Variants in CPNE4 observed in about 807,000 individuals in gnomAD.
The protein encoded by CPNE4 is copine 4.
In CPNE4, 25 loss-of-function variants were observed where a neutral mutation model predicts 67.9. The ratio of observed to expected loss-of-function variants is 0.37; its 90% CI spans 0.27 to 0.51. The LOEUF is 0.51. Ranked by LOEUF, CPNE4 falls within the 20% of genes least tolerant of loss-of-function variation. The probability of loss-of-function intolerance (pLI) is 0.93; values close to 1 mark genes in which losing one functional copy is unlikely to be tolerated. For synonymous variants in CPNE4, 242 were observed against 244.9 expected (o/e 0.99, Z 0.11); for missense variants, 464 against 690.8 (o/e 0.67, Z 3.68).
At chr3:132,007,057 T>G (rs2073628073) in intron 1 of CPNE4, among the ~76,000 whole-genome samples, 1 of 152,166 alleles carries the variant, frequency 6.6e-6, no homozygotes, top group Non-Finnish European at 1.5e-5. Flanking sequence ...TTGTTAATGA[T>G]GACTGTGATG....
chr3:131,773,014 G>C (rs2083206045), intron 2 of CPNE4, among the ~76,000 whole-genome samples: 1 of 152,018 alleles, frequency 6.6e-6, no homozygotes, highest in South Asian at 2.1e-4. Flanking sequence ...CTAACACTTG[G>C]GTAGATGACA....
chr3:131,708,957 GATATATAT>G (rs202119937), intron 3 of CPNE4, among the ~76,000 whole-genome samples: 1,507 of 65,802 alleles, frequency 0.023, 73 homozygotes, highest in African/African-American at 0.062. Flanking sequence ...AGGGCATAAA[GATATATAT>G]ATATATATAT....
intron 7 of CPNE4, among the ~76,000 whole-genome samples, chr3:131,604,628 G>A (rs1939395017): frequency 6.6e-6 from 1 of 152,112 alleles, no homozygotes; most frequent in African/African-American, 2.4e-5. Context: ...CTCCCATGTT[G>A]AATCCTTCCT....
chr3:131,649,703 G>A (rs2079758851), intron 7 of CPNE4, among the ~76,000 whole-genome samples: 2 of 152,106 alleles, frequency 1.3e-5, no homozygotes. Flanking sequence ...AAGATGAAAC[G>A]AGATCTTGTG....
chr3:131,736,611 CAAA>C (rs71136406), intron 2 of CPNE4, among the ~76,000 whole-genome samples: 12,843 of 82,234 alleles, frequency 0.16, 677 homozygotes, highest in East Asian at 0.3. Context: ...AAGACTGTCT[CAAA>C]AAAAAAAAAA....
At chr3:131,597,320 A>T (rs1938939935) in intron 7 of CPNE4, among the ~76,000 whole-genome samples, 1 of 151,912 alleles carries the variant, frequency 6.6e-6, no homozygotes, top group Non-Finnish European at 1.5e-5. Flanking sequence ...GGGTGGGGGG[A>T]TGCTAGGAGA....
intron 2 of CPNE4, among the ~76,000 whole-genome samples, chr3:131,891,681 T>C (rs138186303): frequency 2.0e-4 from 31 of 152,272 alleles, no homozygotes; most frequent in African/African-American, 7.0e-4. Context: ...GGTATTTGGT[T>C]TCCTGTTCTG....
At chr3:131,700,097 T>C in intron 3 of CPNE4, 117 bp from the exon 4 acceptor site, 1 of 523,848 alleles carries the variant, frequency 1.9e-6, no homozygotes, top group Non-Finnish European at 3.2e-6. Context: ...TGCATTCACG[T>C]TTGTGTCAAT....
chr3:131,697,856 G>A (rs79676753), intron 4 of CPNE4, among the ~76,000 whole-genome samples: 2,721 of 152,222 alleles, frequency 0.018, 95 homozygotes, highest in African/African-American at 0.062. Flanking sequence ...AAAATTTCAT[G>A]CACCTTTTCA....
At chr3:131,722,476 G>T (rs548236532) in intron 3 of CPNE4, among the ~76,000 whole-genome samples, 1 of 143,042 alleles carries the variant, frequency 7.0e-6, no homozygotes, top group Non-Finnish European at 1.5e-5. Context: ...CCTATGAGTT[G>T]CTTATATTGC....
At chr3:131,821,924 T>C (rs1047916217) in intron 2 of CPNE4, among the ~76,000 whole-genome samples, 3 of 152,110 alleles carry the variant, frequency 2.0e-5, no homozygotes, top group Non-Finnish European at 4.4e-5. Flanking sequence ...CCCGAATAAT[T>C]CTTCAAGGGA....
chr3:131,710,552 A>G (rs1413037374), intron 3 of CPNE4, among the ~76,000 whole-genome samples: 1 of 152,210 alleles, frequency 6.6e-6, no homozygotes, highest in Non-Finnish European at 1.5e-5. Context: ...AAGGTAGTAT[A>G]ATGAGAAGGC....
chr3:131,869,143 T>A (rs1424544907), intron 2 of CPNE4, among the ~76,000 whole-genome samples: 38 of 152,122 alleles, frequency 2.5e-4, no homozygotes, highest in Admixed American at 2.5e-3. Flanking sequence ...CCCCTCCATA[T>A]CAGCTCTAGT....
At chr3:131,768,283 A>G (rs924573653) in intron 2 of CPNE4, among the ~76,000 whole-genome samples, 2 of 152,082 alleles carry the variant, frequency 1.3e-5, no homozygotes, top group Non-Finnish European at 2.9e-5. Context: ...CTTTTGTTGC[A>G]TGGAGAAGTG....
intron 1 of CPNE4, among the ~76,000 whole-genome samples, chr3:131,947,951 T>C (rs1024112500): frequency 2.0e-5 from 3 of 152,216 alleles, no homozygotes; most frequent in Non-Finnish European, 4.4e-5. Context: ...TAGAATTGCA[T>C]TGAATCCATA....
At chr3:131,781,092 CA>C (rs141148117) in intron 2 of CPNE4, among the ~76,000 whole-genome samples, 8 of 148,704 alleles carry the variant, frequency 5.4e-5, no homozygotes, top group Non-Finnish European at 9.0e-5. Context: ...GTGGCTGTGA[CA>C]AAAAAAAAAT....
At chr3:131,556,823 A>G (rs558013343) in intron 11 of CPNE4, among the ~76,000 whole-genome samples, 3 of 152,218 alleles carry the variant, frequency 2.0e-5, no homozygotes, top group Admixed American at 2.0e-4. Flanking sequence ...TTACTGTACT[A>G]TAGTTGACAG....
chr3:131,605,798 A>G (rs1939465154), intron 7 of CPNE4, among the ~76,000 whole-genome samples: 1 of 152,154 alleles, frequency 6.6e-6, no homozygotes, highest in African/African-American at 2.4e-5. Flanking sequence ...GGAAGAAGAA[A>G]TTAAAGATTA....
intron 3 of CPNE4, among the ~76,000 whole-genome samples, chr3:131,712,955 C>A (rs556313748): frequency 1.1e-4 from 16 of 152,256 alleles, no homozygotes; most frequent in South Asian, 6.2e-4. Flanking sequence ...AAAGTGGGAG[C>A]TGTGGGAGAG....
Sources: allele counts gnomAD v4.1 joint callset (sites outside exome capture counted in the v4.1 genomes callset), GRCh38; gene constraint gnomAD v4.1.1; transcripts MANE v1.5; gene names NCBI Gene and HGNC (gene_info 2026-07-23, HGNC 2026-07-21).